VPS53: variants seen among roughly 807,000 people sequenced by gnomAD.
The protein encoded by VPS53 is vacuolar protein sorting-associated protein 53 homolog.
VPS53 carries 70 observed loss-of-function variants against 107.0 expected under a neutral mutation model. The observed-to-expected ratio is 0.65, with a 90% CI of 0.54 to 0.80. The LOEUF (loss-of-function observed/expected upper bound fraction) is 0.80. VPS53 is among the 30% of genes least tolerant of loss of function. The pLI, the probability that VPS53 is intolerant of heterozygous loss-of-function variation, is 0.00. For synonymous variants in VPS53, 409 were observed against 393.3 expected, an observed-to-expected ratio of 1.04 and a Z score of -0.47; for missense variants, 917 against 1,049.4, an observed-to-expected ratio of 0.87 and a Z score of 1.74.
chr17:563,029 CT>C (rs1429284022), intron 13 of VPS53, among the ~76,000 whole-genome samples: 1 of 152,106 alleles, frequency 6.6e-6, no homozygotes, highest in Non-Finnish European at 1.5e-5. Context: ...CTCCAAACCC[CT>C]GTAAGCAAGA....
chr17:708,585 C>G (rs1040244223), intron 2 of VPS53, among the ~76,000 whole-genome samples: 3 of 152,140 alleles, frequency 2.0e-5, no homozygotes, highest in Non-Finnish European at 4.4e-5. Context: ...TCAGGCCCCC[C>G]ACGAGAGCTG....
chr17:710,820 C>G (rs1324549954), intron 1 of VPS53, among the ~76,000 whole-genome samples: 5 of 151,964 alleles, frequency 3.3e-5, no homozygotes, highest in African/African-American at 4.8e-5. Context: ...TGGCGCACAC[C>G]TGTAATCCCA....
chr17:644,581 A>G (rs985029834), intron 7 of VPS53, among the ~76,000 whole-genome samples: 1 of 141,074 alleles, frequency 7.1e-6, no homozygotes, highest in African/African-American at 2.6e-5. Flanking sequence ...TGCTCTTTTT[A>G]GTGTTATTTT....
chr17:607,469 G>A (rs1055639342), intron 11 of VPS53, among the ~76,000 whole-genome samples: 4 of 152,186 alleles, frequency 2.6e-5, no homozygotes, highest in Non-Finnish European at 2.9e-5. Context: ...TGCTCAGACT[G>A]ACTTGCTAAG....
At chr17:581,884 A>T (rs558701718) in intron 13 of VPS53, among the ~76,000 whole-genome samples, 2 of 148,202 alleles carry the variant, frequency 1.3e-5, no homozygotes, top group South Asian at 2.2e-4. Context: ...TTCGCAGACA[A>T]CCTCCCTTGG....
At position 521,683 on chromosome 17, in the gene VPS53, C is replaced by A; in HGVS notation, c.2141G>T (p.Ser714Ile). ...GGGTGCCTTCCTCACCACCTGCGAG[C>A]TGATGGAGGGGAGATCGAGCAGGAC... The part of the protein sequence containing the change: ...KMVLLDLPSI[S>I]SQVVRKAPAS... Residue 714 changes from serine (S) to isoleucine (I), a missense_variant, in exon 20 of 22, where the codon AGC becomes ATC. By Grantham distance (142) the Ser-to-Ile change is moderately radical. Coordinates refer to ENST00000437048, the MANE Select transcript of VPS53 (RefSeq NM_001128159.3). 2.6e-6 allele frequency: 4 copies of A among 1,550,788 alleles called. No individual in the cohort carries two copies. The highest frequency in any genetic ancestry group is 3.5e-6 in the Non-Finnish European group (4 of 1,146,418).
At chr17:575,680 T>C (rs1199030101) in intron 13 of VPS53, among the ~76,000 whole-genome samples, 1 of 150,756 alleles carries the variant, frequency 6.6e-6, no homozygotes, top group African/African-American at 2.5e-5. Context: ...CCAGGGAACC[T>C]CCCTCAGAAC....
intron 4 of VPS53, among the ~76,000 whole-genome samples, chr17:679,471 G>A (rs373270468): frequency 1.5e-4 from 23 of 152,046 alleles, no homozygotes; most frequent in East Asian, 1.2e-3. Flanking sequence ...CCGAGATTGC[G>A]CCACTGCACT....
At chr17:572,412 G>C (rs1188402451) in intron 13 of VPS53, among the ~76,000 whole-genome samples, 2 of 138,662 alleles carry the variant, frequency 1.4e-5, no homozygotes, top group Non-Finnish European at 3.2e-5. Context: ...GGAGGGAGGT[G>C]GGGGGGTCAG....
chr17:714,447 T>C (rs1164210981), intron 1 of VPS53, 176 bp downstream of exon 1: 2 of 616,478 alleles, frequency 3.2e-6, no homozygotes, highest in Non-Finnish European at 5.6e-6. Context: ...AGGGTTCTCT[T>C]TCCTTTCCTT....
intron 1 of VPS53, chr17:714,044 CAA>C (rs397818093): frequency 0.027 from 2,093 of 77,622 alleles, 17 homozygotes; most frequent in Middle Eastern, 0.052. Context: ...GAATCCGTCT[CAA>C]AAAAAAAAAA....
chr17:704,969 G>A (rs17616389), intron 2 of VPS53, among the ~76,000 whole-genome samples: 28,215 of 151,972 alleles, frequency 0.19, 3,102 homozygotes, highest in South Asian at 0.25. Flanking sequence ...GGCTTTTCGT[G>A]AAATCTCAAA....
At chr17:650,754 T>C (rs1448892096) in intron 7 of VPS53, among the ~76,000 whole-genome samples, 1 of 152,144 alleles carries the variant, frequency 6.6e-6, no homozygotes, top group Non-Finnish European at 1.5e-5. Flanking sequence ...AGAGAAATAC[T>C]TGCATATGTG....
At chr17:523,413 T>C (rs1908895714) in intron 19 of VPS53, 1 of 152,296 alleles carries the variant, frequency 6.6e-6, no homozygotes, top group African/African-American at 2.4e-5. Context: ...TGGGAAAGCC[T>C]TCTGTAATCC....
chr17:646,682 A>G (rs79818655), intron 7 of VPS53, among the ~76,000 whole-genome samples: 1,017 of 24,246 alleles, frequency 0.042, no homozygotes, highest in Middle Eastern at 0.15. Context: ...TTTCTAATCC[A>G]TATCACGGAC....
chr17:714,305 C>A (rs1270571918), intron 1 of VPS53: 2 of 364,670 alleles, frequency 5.5e-6, no homozygotes, highest in Admixed American at 4.5e-5. Flanking sequence ...ATGAAGCCCC[C>A]ACAGTCCCCA....
intron 5 of VPS53, chr17:657,152 G>A (rs760520478): frequency 2.9e-5 from 43 of 1,471,642 alleles, no homozygotes; most frequent in Middle Eastern, 1.7e-4. Flanking sequence ...CGGATGGTGC[G>A]AGCATCATGA....
intron 13 of VPS53, among the ~76,000 whole-genome samples, chr17:569,903 CAAAA>C (rs61335321): frequency 1.9e-5 from 2 of 106,166 alleles, no homozygotes; most frequent in Non-Finnish European, 2.0e-5. Context: ...GACTCTGCCT[CAAAA>C]AAAAAAAAAA....
chr17:712,174 C>T (rs9675317), intron 1 of VPS53, among the ~76,000 whole-genome samples: 13,642 of 129,880 alleles, frequency 0.11, 768 homozygotes, highest in East Asian at 0.24. Context: ...GAGTGACTTT[C>T]GCCTTTTTTT....
Sources: gnomAD v4.1 joint callset for allele counts (sites outside exome capture counted in the v4.1 genomes callset) on GRCh38, gnomAD v4.1.1 for gene constraint, MANE v1.5 for transcripts, NCBI Gene and HGNC (gene_info 2026-07-23, HGNC 2026-07-21) for gene names.